PDCD6IP: variants seen among roughly 807,000 people sequenced by gnomAD.
The protein encoded by PDCD6IP is programmed cell death 6 interacting protein.
In PDCD6IP, 43 loss-of-function variants were observed where a neutral mutation model predicts 103.7. The observed-to-expected ratio is 0.41, with a 90% CI of 0.32 to 0.53. The LOEUF (loss-of-function observed/expected upper bound fraction) is 0.53, where lower values mean the gene tolerates loss of function less well. Ranked by LOEUF, PDCD6IP falls within the 20% of genes least tolerant of loss-of-function variation. The probability of loss-of-function intolerance (pLI) is 0.16; values close to 1 mark genes in which losing one functional copy is unlikely to be tolerated. For synonymous variants in PDCD6IP, 354 were observed against 378.7 expected (o/e 0.93, Z 0.76); for missense variants, 871 against 1,036.7 (o/e 0.84, Z 2.20).
intron 12 of PDCD6IP, among the ~76,000 whole-genome samples, chr3:33,847,216 C>T (rs1393305318): frequency 1.3e-5 from 2 of 152,160 alleles, no homozygotes; most frequent in African/African-American, 2.4e-5. Flanking sequence ...ATGTGGCTTT[C>T]GTCCTTTGAT....
chr3:33,844,417 T>C (rs1697545669), intron 11 of PDCD6IP, among the ~76,000 whole-genome samples, 194 bp downstream of exon 11: 1 of 152,234 alleles, frequency 6.6e-6, no homozygotes, highest in Non-Finnish European at 1.5e-5. Context: ...AAGAAAGGTA[T>C]GAAGTGAAAA....
chr3:33,836,910 T>A (rs9846359), intron 8 of PDCD6IP, among the ~76,000 whole-genome samples: 44,256 of 151,004 alleles, frequency 0.29, 6,728 homozygotes, highest in East Asian at 0.41. Context: ...ACCACAAAAA[T>A]ATATATTTTT....
chr3:33,811,923 T>C (rs1246827229), intron 1 of PDCD6IP, 149 bp from the exon 2 acceptor site: 4 of 1,042,394 alleles, frequency 3.8e-6, no homozygotes, highest in Non-Finnish European at 5.0e-6. Flanking sequence ...TTTAAGCTTC[T>C]GGTTTACGTA....
intron 4 of PDCD6IP, among the ~76,000 whole-genome samples, 191 bp from the exon 5 acceptor site, chr3:33,824,996 T>G (rs1004159367): frequency 6.6e-6 from 1 of 152,244 alleles, no homozygotes; most frequent in African/African-American, 2.4e-5. Flanking sequence ...AATCTCTTGT[T>G]ACGCTATAGA....
chr3:33,860,932 A>G (rs939190255), intron 15 of PDCD6IP, among the ~76,000 whole-genome samples: 2 of 152,086 alleles, frequency 1.3e-5, no homozygotes, highest in Non-Finnish European at 2.9e-5. Flanking sequence ...ATAAAACTAC[A>G]TCTATATGGT....
chr3:33,813,163 AT>A (rs1696755957), intron 2 of PDCD6IP: 1 of 155,296 alleles, frequency 6.4e-6, no homozygotes, highest in Non-Finnish European at 1.4e-5. Context: ...CAAAATAACC[AT>A]TCTCCTACTT....
chr3:33,863,142 TAATC>T (rs1697989060), intron 15 of PDCD6IP, among the ~76,000 whole-genome samples: 1 of 152,208 alleles, frequency 6.6e-6, no homozygotes, highest in African/African-American at 2.4e-5. Flanking sequence ...CAATGTGTAA[TAATC>T]AAATCAGGGT....
At chr3:33,840,560 GATAA>G (rs1395386292) in intron 9 of PDCD6IP, among the ~76,000 whole-genome samples, 4 of 152,238 alleles carry the variant, frequency 2.6e-5, no homozygotes, top group African/African-American at 9.6e-5. Context: ...TCTAGCATAT[GATAA>G]ACAGGCAGTC....
intron 3 of PDCD6IP, among the ~76,000 whole-genome samples, chr3:33,818,513 CTTTTTTTTTTTTTTT>C (rs61405380): frequency 2.2e-5 from 2 of 89,274 alleles, no homozygotes; most frequent in South Asian, 8.2e-4. Context: ...TGATCCCTTG[CTTTTTTTTTTTTTTT>C]TTTTTTTTTG....
At chr3:33,832,633 GA>G (rs1378884211) in intron 7 of PDCD6IP, among the ~76,000 whole-genome samples, 3 of 152,074 alleles carry the variant, frequency 2.0e-5, no homozygotes, top group African/African-American at 7.2e-5. Flanking sequence ...TCACTGATCT[GA>G]CATTCTGACT....
intron 11 of PDCD6IP, among the ~76,000 whole-genome samples, chr3:33,844,638 G>T (rs1697552459): frequency 6.6e-6 from 1 of 151,926 alleles, no homozygotes; most frequent in Non-Finnish European, 1.5e-5. Context: ...GTGCTACCAT[G>T]CCCGGCTGAT....
At position 33,842,179 on chromosome 3, in the gene PDCD6IP, T is replaced by C. The variant is rs1265738598; in HGVS notation, c.1359+105T>C. On this transcript the variant is annotated intron_variant, in intron 10 of 17. Coordinates refer to ENST00000307296, the MANE Select transcript of PDCD6IP (RefSeq NM_013374.6). Reference sequence around the variant, plus strand: ...CCTCATGCTAGTACAGTGTAGTTAGTATTCATCACTTTGGTGAATTTACTG... The same window carrying C: ...CCTCATGCTAGTACAGTGTAGTTAGCATTCATCACTTTGGTGAATTTACTG... 5 of 694,864 alleles carry C rather than the reference T, an allele frequency of 7.2e-6. No individual in the cohort carries two copies. In the Admixed American group the frequency reaches 8.3e-5, roughly 12 times the overall value. The allele number at this position is 694,864 out of a possible 1,614,324, so 43.0% of individuals were successfully genotyped here.
chr3:33,864,771 C>G (rs1378632284), intron 16 of PDCD6IP, among the ~76,000 whole-genome samples: 14 of 152,150 alleles, frequency 9.2e-5, no homozygotes, highest in Non-Finnish European at 1.9e-4. Context: ...AACTTACTTT[C>G]AAATGATTCT....
intron 15 of PDCD6IP, among the ~76,000 whole-genome samples, chr3:33,859,596 T>G (rs1697907350): frequency 6.6e-6 from 1 of 152,156 alleles, no homozygotes; most frequent in South Asian, 2.1e-4. Context: ...ATGAATACCC[T>G]CATTCATTAT....
chr3:33,826,664 T>C, intron 6 of PDCD6IP, 84 bp downstream of exon 6: 1 of 1,554,694 alleles, frequency 6.4e-7, no homozygotes, highest in Non-Finnish European at 8.7e-7. Context: ...AAGTTGAAAC[T>C]TATAAAGAAA....
At chr3:33,800,428 T>A (rs1202153181) in intron 1 of PDCD6IP, among the ~76,000 whole-genome samples, 2 of 152,094 alleles carry the variant, frequency 1.3e-5, no homozygotes, top group Admixed American at 1.3e-4. Context: ...CTTATCTGAG[T>A]CATCCAGCCG....
Position 33,827,570 on chromosome 3 carries a change from T to C in PDCD6IP, c.717+990T>C, listed in dbSNP as rs376903111. ...CAGGATTCTTGGGTATTAACAGCCT[T>C]CCTCTTAAAAAGAGACTTGGGATCT... On this transcript the variant is annotated intron_variant, in intron 6 of 17. Transcript: ENST00000307296. 260 of 152,288 alleles carry C rather than the reference T, an allele frequency of 1.7e-3. 1 individual carries two copies. Among genetic ancestry groups the C allele is most frequent in the African/African-American group, 6.2e-3 (256 of 41,556 alleles). 9.4% of individuals were successfully genotyped at this position (152,288 alleles called of 1,614,324 possible). A position where few individuals can be genotyped will look rare whatever the true frequency, so the allele number is the denominator to read the frequency against.
At chr3:33,834,144 C>T (rs998004718) in intron 7 of PDCD6IP, among the ~76,000 whole-genome samples, 1 of 152,120 alleles carries the variant, frequency 6.6e-6, no homozygotes, top group Non-Finnish European at 1.5e-5. Flanking sequence ...AATCTGTCTA[C>T]TTCTTTTTCT....
intron 12 of PDCD6IP, among the ~76,000 whole-genome samples, chr3:33,847,508 C>T (rs1697620264): frequency 7.4e-6 from 1 of 134,872 alleles, no homozygotes; most frequent in Non-Finnish European, 1.6e-5. Context: ...CTATTTCAGA[C>T]TGGTTATAAT....
Sources: allele counts gnomAD v4.1 joint callset (sites outside exome capture counted in the v4.1 genomes callset), GRCh38; gene constraint gnomAD v4.1.1; transcripts MANE v1.5; gene names NCBI Gene and HGNC (gene_info 2026-07-23, HGNC 2026-07-21).